The following MTUS1 variants were observed in gnomAD, a reference collection of about 807,000 sequenced individuals.
The protein encoded by MTUS1 is microtubule associated scaffold protein 1.
A neutral mutation model predicts 120.8 loss-of-function variants in MTUS1; 109 were observed. The ratio of observed to expected loss-of-function variants is 0.90; its 90% CI spans 0.77 to 1.06. MTUS1 has a LOEUF of 1.06. MTUS1 is among the 50% of genes least tolerant of loss of function. MTUS1 has a pLI of 0.00. For synonymous variants in MTUS1, 737 were observed against 550.5 expected, an observed-to-expected ratio of 1.34 and a Z score of -4.74; for missense variants, 2,210 against 1,486.3, an observed-to-expected ratio of 1.49 and a Z score of -8.01.
intron 1 of MTUS1, among the ~76,000 whole-genome samples, chr8:17,797,878 C>T (rs1379836974): frequency 6.6e-6 from 1 of 152,156 alleles, no homozygotes; most frequent in Non-Finnish European, 1.5e-5. Context: ...TTCAAGCTTT[C>T]ACAACACAGA....
chr8:17,787,848 A>C (rs1051772966), intron 1 of MTUS1, among the ~76,000 whole-genome samples: 4 of 152,194 alleles, frequency 2.6e-5, no homozygotes, highest in Non-Finnish European at 4.4e-5. Context: ...CTGGCTGGGC[A>C]CAGTGGCTCA....
chr8:17,781,028 C>A (rs1342472597), intron 1 of MTUS1: 1 of 152,198 alleles, frequency 6.6e-6, no homozygotes, highest in Non-Finnish European at 1.5e-5. Context: ...CCTAAATCAA[C>A]AGGTGTGCAA....
chr8:17,774,987 A>AG (rs1193118901), intron 1 of MTUS1, among the ~76,000 whole-genome samples: 2 of 150,934 alleles, frequency 1.3e-5, no homozygotes, highest in African/African-American at 4.9e-5. Flanking sequence ...AAAAAAAAAA[A>AG]AAAAAACCAG....
chr8:17,668,480 A>G (rs900970163), intron 8 of MTUS1, among the ~76,000 whole-genome samples: 1 of 152,218 alleles, frequency 6.6e-6, no homozygotes, highest in African/African-American at 2.4e-5. Context: ...TGTCTGCTGC[A>G]GATGTAGACC....
intron 13 of MTUS1, chr8:17,647,359 G>A (rs1242221305): frequency 6.9e-6 from 2 of 290,510 alleles, no homozygotes; most frequent in Non-Finnish European, 1.3e-5. Flanking sequence ...AATTCTCTAA[G>A]AATTGGTGCC....
intron 13 of MTUS1, among the ~76,000 whole-genome samples, chr8:17,647,705 G>A (rs961993014): frequency 1.3e-5 from 2 of 152,142 alleles, no homozygotes; most frequent in Non-Finnish European, 2.9e-5. Flanking sequence ...GCCCTGTGCA[G>A]GCTGAACTTT....
intron 4 of MTUS1, among the ~76,000 whole-genome samples, chr8:17,720,979 G>A (rs2045795277): frequency 5.9e-5 from 9 of 152,090 alleles, no homozygotes; most frequent in Admixed American, 5.9e-4. Context: ...TTTTGATTTG[G>A]TCATTTAAAA....
At position 17,777,000 on chromosome 8, in the gene MTUS1, T is replaced by A. The variant is rs765125568; in HGVS notation, c.-154-21039A>T. ...ATGGAAAACCTGGGTGTGGGCTTAG[T>A]CCACAACAACCCCCTTTCTCTGAAC... On this transcript the variant is annotated intron_variant, in intron 1 of 14. Transcript: ENST00000693296. Among the ~76,000 whole-genome samples the A allele has an allele frequency of 2.0e-4, 31 of 152,266 alleles. 1 individual carries two copies. The highest frequency in any genetic ancestry group is 6.8e-3 in the Middle Eastern group (2 of 294).
In MTUS1 at chr8:17,744,522, G is replaced by C. The variant is rs548118766; in HGVS notation, c.2092-723C>G. 2.1e-3 allele frequency among the ~76,000 whole-genome samples: 317 copies of C among 152,206 alleles called. 1 individual carries two copies. The highest frequency in any genetic ancestry group is 0.01 in the Middle Eastern group (3 of 294). The stretch of plus-strand genomic sequence containing the variant: ...TGCAACCTCTGCCTCCCGGGTTCAA[G>C]TGATTCTCCTGCCTCAGCCTCCTGA... On this transcript the variant is annotated intron_variant, in intron 2 of 14. Coordinates refer to ENST00000693296, the MANE Select transcript of MTUS1 (RefSeq NM_001363059.2).
chr8:17,782,449 A>G (rs1035014570), intron 1 of MTUS1, among the ~76,000 whole-genome samples: 2 of 152,202 alleles, frequency 1.3e-5, no homozygotes, highest in Non-Finnish European at 2.9e-5. Context: ...CAAGACTATA[A>G]TAACTTGAAT....
At chr8:17,789,721 C>G (rs181642416) in intron 1 of MTUS1, among the ~76,000 whole-genome samples, 6 of 152,272 alleles carry the variant, frequency 3.9e-5, no homozygotes, top group East Asian at 1.9e-4. Context: ...AGCAAGAGTT[C>G]TTTAACAGAA....
intron 3 of MTUS1, among the ~76,000 whole-genome samples, chr8:17,734,015 A>G (rs1360019142): frequency 6.6e-6 from 1 of 152,232 alleles, no homozygotes; most frequent in African/African-American, 2.4e-5. Flanking sequence ...CCATTAAGCG[A>G]ACTTTGGTAT....
Position 17,753,827 on chromosome 8 carries a change from T to A in MTUS1, c.1981A>T (p.Arg661Trp). The change falls in exon 2 of 15, where the codon AGG (arginine) becomes TGG (tryptophan). Residue 661 changes from arginine to tryptophan, a missense_variant. Coordinates refer to ENST00000693296, the MANE Select transcript of MTUS1 (RefSeq NM_001363059.2). ...LEMTYVPNIDRISPEKKGEKE... is the reference protein window; with the variant it reads ...LEMTYVPNIDWISPEKKGEKE... Reference sequence around the variant, plus strand: ...TCACCCTTCTTTTCAGGGCTAATCCTATCAATGTTGGGAACATAGGTCATT... The same window carrying A: ...TCACCCTTCTTTTCAGGGCTAATCCAATCAATGTTGGGAACATAGGTCATT... 1 of 1,614,142 alleles carries A rather than the reference T, an allele frequency of 6.2e-7. No homozygotes were observed. Among genetic ancestry groups the A allele is most frequent in the Non-Finnish European group, 8.5e-7 (1 of 1,179,958 alleles).
upstream of MTUS1, chr8:17,801,280 G>C (rs1043423382): frequency 1.3e-5 from 2 of 152,012 alleles, no homozygotes; most frequent in East Asian, 2.0e-4. Context: ...GGGGCCGCCA[G>C]GGGGTGGAGC....
rs187910260 is a variant in MTUS1, at chr8:17,713,773, T to C, written c.2585-521A>G. ...GTAAGTCACTAAAAGAAATCTATGA[T>C]GCTTCTACTTAACATGAAATAGTTG... On this transcript the variant is annotated intron_variant, in intron 5 of 14. Transcript: ENST00000693296. Among the ~76,000 whole-genome samples, 83 of 152,320 alleles carry C rather than the reference T, an allele frequency of 5.4e-4. 1 individual carries two copies. Among genetic ancestry groups the C allele is most frequent in the African/African-American group, 2.0e-3 (82 of 41,580 alleles).
chr8:17,775,825 G>A (rs2050381789), intron 1 of MTUS1, among the ~76,000 whole-genome samples: 1 of 152,142 alleles, frequency 6.6e-6, no homozygotes, highest in Non-Finnish European at 1.5e-5. Context: ...TTACCCCAGT[G>A]GGGGCCTAAA....
At chr8:17,672,216 A>G (rs1296198481) in intron 8 of MTUS1, among the ~76,000 whole-genome samples, 1 of 152,200 alleles carries the variant, frequency 6.6e-6, no homozygotes. Flanking sequence ...CAGTGTGGTT[A>G]ATTACTACAC....
At chr8:17,782,077 C>T (rs1303843900) in intron 1 of MTUS1, among the ~76,000 whole-genome samples, 1 of 152,146 alleles carries the variant, frequency 6.6e-6, no homozygotes, top group Admixed American at 6.6e-5. Flanking sequence ...TTTTATGGGG[C>T]TAACAAATCA....
In MTUS1 at chr8:17,733,920, T is replaced by A. The variant is rs145528796; in HGVS notation, c.2287+9684A>T. Among the ~76,000 whole-genome samples, 497 of 152,266 alleles carry A rather than the reference T, an allele frequency of 3.3e-3. 2 individuals are homozygous for A. Among genetic ancestry groups the A allele is most frequent in the African/African-American group, 0.012 (479 of 41,558 alleles). On this transcript the variant is annotated intron_variant, in intron 3 of 14. Transcript: ENST00000693296. The stretch of plus-strand genomic sequence containing the variant: ...GGCAAAAGTTAAACAGCACAAAGCA[T>A]CAACATTAAACCAAGCCTGGCCCCT...
Sources: gnomAD v4.1 joint callset for allele counts (sites outside exome capture counted in the v4.1 genomes callset) on GRCh38, gnomAD v4.1.1 for gene constraint, MANE v1.5 for transcripts, NCBI Gene and HGNC (gene_info 2026-07-23, HGNC 2026-07-21) for gene names.